The following AP1M1 variants were observed in gnomAD, a reference collection of about 807,000 sequenced individuals.
AP1M1 encodes adaptor related protein complex 1 subunit mu 1.
In AP1M1, 18 loss-of-function variants were observed where a neutral mutation model predicts 57.1. That is an observed-to-expected ratio of 0.32 (90% CI 0.22 to 0.47). The LOEUF is 0.47. AP1M1 is among the 20% of genes least tolerant of loss of function. The pLI is 1.00. For synonymous variants in AP1M1, 241 were observed against 237.9 expected (o/e 1.01, Z -0.12); for missense variants, 362 against 593.5 (o/e 0.61, Z 4.05).
At chr19:16,199,887 G>A (rs2091440195) in intron 1 of AP1M1, among the ~76,000 whole-genome samples, 1 of 152,170 alleles carries the variant, frequency 6.6e-6, no homozygotes, top group Non-Finnish European at 1.5e-5. Flanking sequence ...CACCTAGCAT[G>A]CACCCTGCCC....
Position 16,228,807 on chromosome 19 carries a change from A to C in AP1M1, c.926A>C (p.Asn309Thr). The C allele has an allele frequency of 6.2e-7, 1 of 1,614,086 alleles. No individual in the cohort carries two copies. The highest frequency in any genetic ancestry group is 8.5e-7 in the Non-Finnish European group (1 of 1,179,996). ...SQFKRRSTANNVEIHIPVPND... is the reference protein window; with the variant it reads ...SQFKRRSTANTVEIHIPVPND... The stretch of plus-strand genomic sequence containing the variant: ...TTCAAGCGGCGGTCAACAGCCAACA[A>C]CGTGGAGATCCACATTCCCGTGCCC... Residue 309 changes from asparagine to threonine, a missense_variant, in exon 9 of 12, where the codon AAC becomes ACC. Asn to Thr is a moderately conservative substitution (Grantham distance 65, BLOSUM62 0). Around this residue, in one of 2 missense-constraint regions of AP1M1, gnomAD observed 337 missense variants for 511.1 expected, o/e 0.66. Coordinates refer to ENST00000291439, the MANE Select transcript of AP1M1 (RefSeq NM_032493.4). The surrounding 1 kb of genome is among the most constrained non-coding windows in gnomAD (Gnocchi z 5.0).
At position 16,218,885 on chromosome 19, in the gene AP1M1, C is replaced by T. The variant is rs1040867411; in HGVS notation, c.547-7536C>T. On this transcript the variant is annotated intron_variant, in intron 5 of 11. Transcript: ENST00000291439. Reference sequence around the variant, plus strand: ...CTCTTTTGCTTTACGTCTTCCCTCACTGAGACTTCCAGCACAGTGTTGAAT... The same window carrying T: ...CTCTTTTGCTTTACGTCTTCCCTCATTGAGACTTCCAGCACAGTGTTGAAT... 2.6e-5 allele frequency among the ~76,000 whole-genome samples: 4 copies of T among 152,198 alleles called. No homozygotes were observed. In the East Asian group the frequency reaches 7.7e-4, roughly 29 times the overall value.
In AP1M1 at chr19:16,207,984, C is replaced by A; in HGVS notation, c.268-35C>A. 6.3e-7 allele frequency: 1 copy of A among 1,594,604 alleles called. No homozygotes were observed. Among genetic ancestry groups the A allele is most frequent in the South Asian group, 1.1e-5 (1 of 88,420 alleles). On this transcript the variant is annotated intron_variant, in intron 3 of 11. Transcript: ENST00000291439. The surrounding 1 kb of genome is among the most constrained non-coding windows in gnomAD (Gnocchi z 4.2). ...CCTCATCCGTCCGCTCAATGATCTG[C>A]CTCCCATTCCTCCCTCCCTCCCCAA... is the stretch of plus-strand genomic sequence containing the variant.
chr19:16,215,100 G>C (rs963110694), intron 5 of AP1M1, among the ~76,000 whole-genome samples: 1 of 149,176 alleles, frequency 6.7e-6, no homozygotes, highest in Admixed American at 6.8e-5. Context: ...GGCCAGATGT[G>C]AAATTCTGGA....
chr19:16,227,969 T>C lies in AP1M1; in HGVS notation c.817-168T>C, dbSNP rs1218893856. Among the ~76,000 whole-genome samples the C allele has an allele frequency of 6.6e-6, 1 of 152,220 alleles. No individual in the cohort carries two copies. The highest frequency in any genetic ancestry group is 2.4e-5 in the African/African-American group (1 of 41,460). ...GCCTCCCCGGTAGCTCCCGGCTACC[T>C]CGGCCTGTCTGCCCTGGCCCTCCCT... is the stretch of plus-strand genomic sequence containing the variant. On this transcript the variant is annotated intron_variant, in intron 7 of 11. Coordinates refer to ENST00000291439, the MANE Select transcript of AP1M1 (RefSeq NM_032493.4). This position sits in a 1 kb window ranked among gnomAD's most constrained non-coding sequence, Gnocchi z 6.2.
At chr19:16,198,898 C>T (rs1372706579) in intron 1 of AP1M1, among the ~76,000 whole-genome samples, 2 of 152,102 alleles carry the variant, frequency 1.3e-5, no homozygotes, top group South Asian at 2.1e-4. Context: ...ACCTCCGCCT[C>T]CCGGGTTCAA....
rs971210763 is a variant in AP1M1, at chr19:16,227,093, G to A, written c.674-455G>A. Among the ~76,000 whole-genome samples the A allele has an allele frequency of 7.9e-5, 12 of 152,268 alleles. No homozygotes were observed. In the East Asian group the frequency reaches 2.3e-3, roughly 29 times the overall value. On this transcript the variant is annotated intron_variant, in intron 6 of 11. Coordinates refer to ENST00000291439, the MANE Select transcript of AP1M1 (RefSeq NM_032493.4). This position sits in a 1 kb window ranked among gnomAD's most constrained non-coding sequence, Gnocchi z 6.2. ...TTCCTAGCCCGGTGAGGGCTTCTCG[G>A]GCATCAGTCTATCAGGGCAGCTCCC... is the stretch of plus-strand genomic sequence containing the variant.
chr19:16,234,669 A>G lies in AP1M1; in HGVS notation c.*234A>G. The G allele has an allele frequency of 1.7e-6, 1 of 598,576 alleles. No homozygotes were observed. The highest frequency in any genetic ancestry group is 3.0e-6 in the Non-Finnish European group (1 of 336,876). 37.1% of individuals were successfully genotyped at this position (598,576 alleles called of 1,614,324 possible). A position where few individuals can be genotyped will look rare whatever the true frequency, so the allele number is the denominator to read the frequency against. ...AGAAGTCTCGTTTCTTTGCCCCTGA[A>G]GTCAGTTTCAGGGGAAGGATGTGAA... On this transcript the variant is annotated 3_prime_UTR_variant, in exon 12 of 12. Transcript: ENST00000291439.
intron 1 of AP1M1, among the ~76,000 whole-genome samples, chr19:16,198,797 AAC>A (rs1361511759): frequency 1.3e-5 from 2 of 150,298 alleles, no homozygotes; most frequent in African/African-American, 4.9e-5. Flanking sequence ...TTTAGCAAAA[AAC>A]AGTCCCTTTT....
rs780968690 is a variant in AP1M1, at chr19:16,226,445, C to T, written c.571C>T (p.Arg191Cys). ...GGTCAGCGCCAACGGCAATGTCCTG[C>T]GCAGCGAGATCGTGGGCTCCATCAA... ...LLVSANGNVL[R>C]SEIVGSIKMR... is the part of the protein sequence containing the mutation. The change falls in exon 6 of 12, where the codon CGC becomes TGC. Residue 191 changes from arginine to cysteine, a missense_variant. By Grantham distance (180) the Arg-to-Cys change is radical (BLOSUM62 -3). Coordinates refer to ENST00000291439, the MANE Select transcript of AP1M1 (RefSeq NM_032493.4). 10 of 1,562,342 alleles carry T rather than the reference C, an allele frequency of 6.4e-6. No individual in the cohort carries two copies. The highest frequency in any genetic ancestry group is 2.3e-5 in the East Asian group (1 of 43,208).
At chr19:16,208,725 A>C in intron 4 of AP1M1, 1 of 280,978 alleles carries the variant, frequency 3.6e-6, no homozygotes, top group African/African-American at 2.2e-5. Context: ...AGGGACGGGA[A>C]GCAGCTCACA....
At chr19:16,200,161 G>A (rs543077861) in intron 1 of AP1M1, among the ~76,000 whole-genome samples, 2 of 152,302 alleles carry the variant, frequency 1.3e-5, no homozygotes, top group East Asian at 3.9e-4. Flanking sequence ...CCTAGAAGCA[G>A]AGACATTACC....
chr19:16,214,796 T>C lies in AP1M1; in HGVS notation c.546+5619T>C, dbSNP rs1599458010. Among the ~76,000 whole-genome samples, 6 of 152,094 alleles carry C rather than the reference T, an allele frequency of 3.9e-5. 1 individual carries two copies. Among genetic ancestry groups the C allele is most frequent in the Admixed American group, 3.9e-4 (6 of 15,284 alleles). The stretch of plus-strand genomic sequence containing the variant: ...CAGGGTCTCATTCTGTTGCTCAGGC[T>C]GGAGTGCAGTGGCATGATCATGGCT... On this transcript the variant is annotated intron_variant, in intron 5 of 11. Coordinates refer to ENST00000291439, the MANE Select transcript of AP1M1 (RefSeq NM_032493.4).
intron 5 of AP1M1, among the ~76,000 whole-genome samples, chr19:16,213,285 T>A (rs2091503025): frequency 1.3e-5 from 2 of 152,228 alleles, no homozygotes; most frequent in Admixed American, 6.5e-5. Flanking sequence ...GTTGGCTGCA[T>A]ATTTATTTAG....
rs2091630633 is a variant in AP1M1, at chr19:16,237,763, C to G, written c.*3328C>G. On this transcript the variant is annotated 3_prime_UTR_variant, in exon 12 of 12. Coordinates refer to ENST00000291439, the MANE Select transcript of AP1M1 (RefSeq NM_032493.4). ...AGAAAAAAAAAAGGCAAACGTTCAA[C>G]CATGTAGCTATTCAGGAAATATGTA... The G allele has an allele frequency of 6.6e-6, 1 of 151,958 alleles. No homozygotes were observed. Among genetic ancestry groups the G allele is most frequent in the South Asian group, 2.1e-4 (1 of 4,816 alleles). 9.4% of individuals were successfully genotyped at this position (151,958 alleles called of 1,614,324 possible).
intron 9 of AP1M1, among the ~76,000 whole-genome samples, chr19:16,231,081 G>T (rs1323257794): frequency 6.6e-6 from 1 of 151,964 alleles, no homozygotes; most frequent in Non-Finnish European, 1.5e-5. Flanking sequence ...AAGGTCAGGA[G>T]ATCAAGACCA....
chr19:16,244,664 A>G lies in AP1M1; in HGVS notation c.*10229A>G, dbSNP rs948476840. The G allele has an allele frequency of 1.3e-5, 2 of 151,844 alleles. No individual in the cohort carries two copies. Among genetic ancestry groups the G allele is most frequent in the African/African-American group, 4.8e-5 (2 of 41,380 alleles). The allele number at this position is 151,844 out of a possible 1,614,324, so 9.4% of individuals were successfully genotyped here. A position where few individuals can be genotyped will look rare whatever the true frequency, so the allele number is the denominator to read the frequency against. On this transcript the variant is annotated 3_prime_UTR_variant, in exon 12 of 12. Coordinates refer to ENST00000291439, the MANE Select transcript of AP1M1 (RefSeq NM_032493.4). The stretch of plus-strand genomic sequence containing the variant: ...GCTAACACGGTGAAACCCCGTCTCT[A>G]CTAAAAATACAAAAAATTAGCCGGG...
At position 16,238,331 on chromosome 19, in the gene AP1M1, CA is replaced by C. The variant is rs2091632904; in HGVS notation, c.*3897del. The C allele has an allele frequency of 6.6e-6, 1 of 152,162 alleles. No individual in the cohort carries two copies. The highest frequency in any genetic ancestry group is 2.1e-4 in the South Asian group (1 of 4,832). 9.4% of individuals were successfully genotyped at this position (152,162 alleles called of 1,614,324 possible). ...CTTACAGCAGCATAGTTCATGATAG[CA>C]GGAAATTGGAAAGCAACCAAAAGTC... On this transcript the variant is annotated 3_prime_UTR_variant, in exon 12 of 12. Transcript: ENST00000291439.
chr19:16,232,807 G>A (rs1388994140), intron 9 of AP1M1, among the ~76,000 whole-genome samples: 2 of 152,192 alleles, frequency 1.3e-5, no homozygotes, highest in Non-Finnish European at 1.5e-5. Context: ...TCGTGCCCCC[G>A]ACTGCTCAGG....
Sources: allele counts gnomAD v4.1 joint callset (sites outside exome capture counted in the v4.1 genomes callset), GRCh38; gene constraint gnomAD v4.1.1; regional missense constraint gnomAD v4.1.1; non-coding constraint Gnocchi (gnomAD v3.1); transcripts MANE v1.5; gene names NCBI Gene and HGNC (gene_info 2026-07-23, HGNC 2026-07-21).